The following LAMA5 variants were observed in gnomAD, a reference collection of about 807,000 sequenced individuals.
LAMA5 encodes laminin subunit alpha 5, also known as laminin subunit alpha-5.
LAMA5 carries 260 observed loss-of-function variants against 433.4 expected under a neutral mutation model. The observed-to-expected ratio is 0.60, with a 90% CI of 0.54 to 0.66. LAMA5 has a LOEUF of 0.66. Ranked by LOEUF, LAMA5 falls within the 30% of genes least tolerant of loss-of-function variation. The pLI is 0.00. For synonymous variants in LAMA5, 2,620 were observed against 2,226.6 expected, an observed-to-expected ratio of 1.18 and a Z score of -4.97; for missense variants, 5,378 against 5,258.5, an observed-to-expected ratio of 1.02 and a Z score of -0.70.
At chr20:62,357,966 T>C (rs1402725526) in intron 2 of LAMA5, among the ~76,000 whole-genome samples, 2 of 152,210 alleles carry the variant, frequency 1.3e-5, no homozygotes, top group Admixed American at 6.5e-5. Context: ...GTGGAGATTA[T>C]CCCAAGGGGA....
At position 62,312,901 on chromosome 20, in the gene LAMA5, G is replaced by T; in HGVS notation, c.9065C>A (p.Ser3022Ter). 6.3e-7 allele frequency: 1 copy of T among 1,585,244 alleles called. No homozygotes were observed. The highest frequency in any genetic ancestry group is 8.6e-7 in the Non-Finnish European group (1 of 1,163,952). Residue 3022 changes from serine to a stop codon, truncating the protein, a stop_gained, in exon 66 of 80, where the codon TCG (serine) becomes TAG (stop). Coordinates refer to ENST00000252999, the MANE Select transcript of LAMA5 (RefSeq NM_005560.6). LOFTEE classifies it high-confidence loss of function. ...VPLQPPPPLT[S>*]ASKAIQVFLL... is the part of the protein sequence containing the mutation. ...CCCTGGCCCTACCGCCTTGCTGGCCGAGGTCAGGGGCGGTGGGGGCTGCAG... is the reference window on the plus strand; with the variant it reads ...CCCTGGCCCTACCGCCTTGCTGGCCTAGGTCAGGGGCGGTGGGGGCTGCAG...
Position 62,360,475 on chromosome 20 carries a change from G to GGT in LAMA5, c.450+1924_450+1925insAC, listed in dbSNP as rs1412609841. Among the ~76,000 whole-genome samples the GGT allele has an allele frequency of 2.4e-3, 2 of 834 alleles. 1 individual carries two copies. The highest frequency in any genetic ancestry group is 0.083 in the East Asian group (2 of 24). 0.5% of individuals were successfully genotyped at this position (834 alleles called of 152,430 possible). On this transcript the variant is annotated intron_variant, in intron 2 of 79. Coordinates refer to ENST00000252999, the MANE Select transcript of LAMA5 (RefSeq NM_005560.6). ...GGGATAGATGGGTGGTGGGTGGGTG[G>GGT]AGGGATAGATGGGTGGTGGGTGGGT...
intron 20 of LAMA5, 134 bp downstream of exon 20, chr20:62,334,887 G>C (rs1461946325): frequency 6.0e-6 from 5 of 826,674 alleles, no homozygotes; most frequent in Non-Finnish European, 9.7e-6. Context: ...GCACAGGCTG[G>C]CACCAAGGGG....
At chr20:62,362,228 C>T (rs562588155) in intron 2 of LAMA5, among the ~76,000 whole-genome samples, 172 bp downstream of exon 2, 6 of 152,344 alleles carry the variant, frequency 3.9e-5, no homozygotes, top group Middle Eastern at 3.4e-3. Flanking sequence ...TGACCACTGC[C>T]GTGCCTTTGT....
intron 55 of LAMA5, 98 bp from the exon 56 acceptor site, chr20:62,317,121 G>C: frequency 7.3e-7 from 1 of 1,365,452 alleles, no homozygotes; most frequent in Non-Finnish European, 9.7e-7. Context: ...GCCCGTGCCT[G>C]CCCGCCAAGT....
chr20:62,313,022 G>A lies in LAMA5; in HGVS notation c.8956-12C>T. ...CACAGGAACTGGCTCTGCAGAAACA[G>A]GGCAGGGTTAGTGTGGGGCAGGGTC... On this transcript the variant is annotated splice_polypyrimidine_tract_variant and intron_variant, in intron 65 of 79. Transcript: ENST00000252999. 1 of 1,588,120 alleles carries A rather than the reference G, an allele frequency of 6.3e-7. No homozygotes were observed. Among genetic ancestry groups the A allele is most frequent in the Non-Finnish European group, 8.6e-7 (1 of 1,165,242 alleles).
At chr20:62,323,257 G>T (rs1978641766) in intron 45 of LAMA5, among the ~76,000 whole-genome samples, 199 bp downstream of exon 45, 1 of 149,864 alleles carries the variant, frequency 6.7e-6, no homozygotes, top group African/African-American at 2.5e-5. Context: ...TGGGGCGGGA[G>T]GGCCTGATCG....
intron 1 of LAMA5, among the ~76,000 whole-genome samples, chr20:62,364,837 T>C (rs1986544986): frequency 1.3e-5 from 2 of 152,254 alleles, no homozygotes; most frequent in Admixed American, 6.5e-5. Flanking sequence ...GCCCCTGGCC[T>C]GCAGCCTTGA....
chr20:62,310,347 G>T (rs765446300), intron 76 of LAMA5, 36 bp from the exon 77 acceptor site: 11 of 1,574,604 alleles, frequency 7.0e-6, no homozygotes, highest in Non-Finnish European at 9.5e-6. Context: ...AGAAAGGGGG[G>T]GCCCCTCCCC....
rs1439460286 is a variant in LAMA5 at position 62,366,890 on chromosome 20, C to G, written c.297+59G>C. ...CCACGGCGCTCCCCCTGGGGTCGGG[C>G]CGGTGTTCCGGGTCCGAGTGCCCCG... On this transcript the variant is annotated intron_variant, in intron 1 of 79. Transcript: ENST00000252999. 4.1e-6 allele frequency: 5 copies of G among 1,223,810 alleles called. No homozygotes were observed. In the African/African-American group the frequency reaches 4.7e-5, roughly 11 times the overall value. The allele number at this position is 1,223,810 out of a possible 1,614,324, so 75.8% of individuals were successfully genotyped here. A position where few individuals can be genotyped will look rare whatever the true frequency, so the allele number is the denominator to read the frequency against.
At chr20:62,340,424 G>A (rs548916871) in intron 11 of LAMA5, among the ~76,000 whole-genome samples, 5 of 138,214 alleles carry the variant, frequency 3.6e-5, no homozygotes, top group South Asian at 5.0e-4. Context: ...CCATTCTCCC[G>A]CCTCAGCCTC....
chr20:62,341,383 TAG>T (rs2146256317), intron 11 of LAMA5, among the ~76,000 whole-genome samples: 1 of 152,358 alleles, frequency 6.6e-6, no homozygotes, highest in East Asian at 1.9e-4. Context: ...AGCTTTAAAC[TAG>T]AGTTTCCCAG....
chr20:62,329,336 C>T (rs756216334), intron 32 of LAMA5, 83 bp from the exon 33 acceptor site: 2 of 1,027,046 alleles, frequency 1.9e-6, no homozygotes, highest in Non-Finnish European at 1.5e-6. Context: ...GGACCAGGGT[C>T]CTGCAGGCAG....
chr20:62,322,680 C>T lies in LAMA5; in HGVS notation c.6143G>A (p.Gly2048Glu). 6.5e-7 allele frequency: 1 copy of T among 1,544,792 alleles called. No individual in the cohort carries two copies. The highest frequency in any genetic ancestry group is 2.4e-5 in the East Asian group (1 of 40,900). The change falls in exon 46 of 80, where the codon GGG becomes GAG. Residue 2048 changes from glycine (G) to glutamate (E), a missense_variant. Gly to Glu is a moderately conservative substitution (Grantham distance 98, BLOSUM62 -2). Coordinates refer to ENST00000252999, the MANE Select transcript of LAMA5 (RefSeq NM_005560.6). The part of the protein sequence containing the change: ...GHCLCKAGVT[G>E]RRCDRCQEGH... Reference sequence around the variant, plus strand: ...TACCTGGCAGCGGTCACAGCGCCGCCCAGTCACGCCCGCCTTGCACAGGCA... The same window carrying T: ...TACCTGGCAGCGGTCACAGCGCCGCTCAGTCACGCCCGCCTTGCACAGGCA...
intron 2 of LAMA5, among the ~76,000 whole-genome samples, chr20:62,354,946 G>T (rs2146327061): frequency 6.6e-6 from 1 of 152,338 alleles, no homozygotes; most frequent in African/African-American, 2.4e-5. Flanking sequence ...CCCCGCCTGT[G>T]CGAGGAGGCC....
intron 26 of LAMA5, 28 bp downstream of exon 26, chr20:62,333,062 T>A: frequency 6.8e-7 from 1 of 1,467,918 alleles, no homozygotes. Flanking sequence ...GCAACACCCA[T>A]TGCTCCGTGG....
At position 62,317,452 on chromosome 20, in the gene LAMA5, C is replaced by T. The variant is rs745401346; in HGVS notation, c.7404G>A (p.Leu2468=). 1.3e-6 allele frequency: 2 copies of T among 1,590,296 alleles called. No homozygotes were observed. Among genetic ancestry groups the T allele is most frequent in the Non-Finnish European group, 1.7e-6 (2 of 1,166,460 alleles). Residue 2468 remains leucine, a synonymous_variant, in exon 55 of 80, where the codon CTG becomes CTA. Transcript: ENST00000252999. ...AASLDGARTP[L]LQRMQTFSPA... is the part of the protein sequence containing the mutation. ...GGGAGAAGGTCTGCATCCTCTGCAG[C>T]AGTGGGGTCCGAGCCCCATCCAGGC... is the stretch of plus-strand genomic sequence containing the variant.
At chr20:62,328,555 A>G (rs1438532393) in intron 34 of LAMA5, 110 bp from the exon 35 acceptor site, 7 of 1,161,690 alleles carry the variant, frequency 6.0e-6, no homozygotes, top group Non-Finnish European at 8.2e-6. Context: ...CGGGGGAGAC[A>G]AGAACAGGGA....
intron 1 of LAMA5, 146 bp downstream of exon 1, chr20:62,366,803 G>C (rs1601446785): frequency 8.9e-7 from 1 of 1,126,014 alleles, no homozygotes; most frequent in Middle Eastern, 3.3e-4. Context: ...GGCCGGGTCG[G>C]GGTGCCTTCT....
Sources: allele counts gnomAD v4.1 joint callset (sites outside exome capture counted in the v4.1 genomes callset), GRCh38; gene constraint gnomAD v4.1.1; transcripts MANE v1.5; gene names NCBI Gene and HGNC (gene_info 2026-07-23, HGNC 2026-07-21).